Variants in SPPL3 observed in about 807,000 individuals in gnomAD.
SPPL3 encodes signal peptide peptidase-like 3.
Under a neutral mutation model 42.4 loss-of-function variants are expected in SPPL3, and 5 were observed. That is an observed-to-expected ratio of 0.12 (90% CI 0.06 to 0.25). The LOEUF is 0.25. Among genes scored for constraint, SPPL3 ranks in the 10% least tolerant of loss-of-function variants. SPPL3 has a pLI of 1.00. For synonymous variants in SPPL3, 195 were observed against 181.8 expected, an observed-to-expected ratio of 1.07 and a Z score of -0.58; for missense variants, 235 against 489.0, an observed-to-expected ratio of 0.48 and a Z score of 4.90.
chr12:120,894,469 CAACAA>C (rs1430718377), intron 1 of SPPL3, among the ~76,000 whole-genome samples: 1 of 152,214 alleles, frequency 6.6e-6, no homozygotes, highest in African/African-American at 2.4e-5. Context: ...AAAACTTAAA[CAACAA>C]AACAAAGTCA....
chr12:120,889,668 AT>A (rs948565793), intron 1 of SPPL3, among the ~76,000 whole-genome samples: 2 of 152,106 alleles, frequency 1.3e-5, no homozygotes, highest in African/African-American at 4.8e-5. Flanking sequence ...AGTATATTTT[AT>A]TGTTATTTTA....
intron 1 of SPPL3, among the ~76,000 whole-genome samples, chr12:120,841,349 T>C (rs1300375839): frequency 6.6e-6 from 1 of 152,004 alleles, no homozygotes; most frequent in African/African-American, 2.4e-5. Flanking sequence ...AACAATGAGA[T>C]ATACAATACT....
intron 2 of SPPL3, among the ~76,000 whole-genome samples, chr12:120,807,077 C>A (rs376714267): frequency 1.3e-5 from 2 of 151,964 alleles, no homozygotes; most frequent in African/African-American, 4.8e-5. Context: ...TTTATAGTTG[C>A]AAATCATATG....
At chr12:120,896,735 C>T (rs1305461166) in intron 1 of SPPL3, among the ~76,000 whole-genome samples, 2 of 151,244 alleles carry the variant, frequency 1.3e-5, no homozygotes, top group African/African-American at 2.4e-5. Flanking sequence ...GCTGAGATCG[C>T]ACCACTACAC....
chr12:120,801,566 T>TG, intron 2 of SPPL3, among the ~76,000 whole-genome samples: 1 of 152,290 alleles, frequency 6.6e-6, no homozygotes, highest in Non-Finnish European at 1.5e-5. Flanking sequence ...CCCTTGGCCC[T>TG]GTTACACCAA....
chr12:120,870,004 C>T (rs1196431450), intron 1 of SPPL3, among the ~76,000 whole-genome samples: 1 of 152,206 alleles, frequency 6.6e-6, no homozygotes, highest in Non-Finnish European at 1.5e-5. Flanking sequence ...GCCATTGAAT[C>T]TTTCATACTG....
At chr12:120,890,701 A>T (rs188805317) in intron 1 of SPPL3, among the ~76,000 whole-genome samples, 1 of 152,078 alleles carries the variant, frequency 6.6e-6, no homozygotes, top group Non-Finnish European at 1.5e-5. Flanking sequence ...TCAAAACTTT[A>T]AGGGAAAAAA....
chr12:120,816,243 G>C (rs1435104046), intron 1 of SPPL3, among the ~76,000 whole-genome samples: 1 of 152,104 alleles, frequency 6.6e-6, no homozygotes, highest in Non-Finnish European at 1.5e-5. Flanking sequence ...CTAAATGCCT[G>C]ATTTCAAAAA....
chr12:120,858,137 T>A (rs1872518249), intron 1 of SPPL3, among the ~76,000 whole-genome samples: 1 of 152,052 alleles, frequency 6.6e-6, no homozygotes, highest in South Asian at 2.1e-4. Context: ...TTAAAACAGG[T>A]AAAAACTGTA....
intron 1 of SPPL3, among the ~76,000 whole-genome samples, chr12:120,842,417 T>C (rs1481732551): frequency 2.0e-5 from 3 of 152,214 alleles, no homozygotes; most frequent in Non-Finnish European, 4.4e-5. Flanking sequence ...TCATAGGTTA[T>C]AAAATGTTCC....
rs1868960154 is a variant in SPPL3 at position 120,767,593 on chromosome 12, G to A, written c.774C>T (p.Ser258=). 1.2e-6 allele frequency: 2 copies of A among 1,613,902 alleles called. No individual in the cohort carries two copies. The highest frequency in any genetic ancestry group is 1.7e-6 in the Non-Finnish European group (2 of 1,179,884). Residue 258 remains serine, a splice_region_variant and synonymous_variant, in exon 9 of 11, where the codon AGC becomes AGT. Coordinates refer to ENST00000353487, the MANE Select transcript of SPPL3 (RefSeq NM_139015.5). ...ACATGGAGAAGTGGCTGCCAGTGGA[G>A]CTGGAATGCAGTTTCACAGGTTAGT... The part of the protein sequence containing the change: ...LSLPGKLVFP[S]STGSHFSMLG...
At chr12:120,776,945 G>A (rs1375696886) in intron 6 of SPPL3, among the ~76,000 whole-genome samples, 2 of 152,172 alleles carry the variant, frequency 1.3e-5, no homozygotes, top group Non-Finnish European at 2.9e-5. Flanking sequence ...CTGCTTAGGT[G>A]ATTACTGCTT....
At chr12:120,842,570 G>C (rs1241314858) in intron 1 of SPPL3, among the ~76,000 whole-genome samples, 1 of 151,994 alleles carries the variant, frequency 6.6e-6, no homozygotes, top group Non-Finnish European at 1.5e-5. Flanking sequence ...TAGAGACAGG[G>C]AAGTCCAAGA....
chr12:120,765,148 A>AT, intron 10 of SPPL3, 78 bp from the exon 11 acceptor site: 13 of 1,458,380 alleles, frequency 8.9e-6, no homozygotes, highest in South Asian at 2.6e-5. Flanking sequence ...AAAAAAAAAA[A>AT]ATTTTTTTTC....
chr12:120,824,222 G>A (rs570293083), intron 1 of SPPL3, among the ~76,000 whole-genome samples: 1 of 152,258 alleles, frequency 6.6e-6, no homozygotes, highest in East Asian at 1.9e-4. Flanking sequence ...GAAGCAAGCT[G>A]AAGACCTACG....
intron 1 of SPPL3, among the ~76,000 whole-genome samples, chr12:120,878,151 A>C (rs1324007432): frequency 6.6e-6 from 1 of 152,186 alleles, no homozygotes; most frequent in Admixed American, 6.5e-5. Context: ...AAAATGAAAT[A>C]TCTTAATTAA....
chr12:120,826,831 A>G (rs1871244168), intron 1 of SPPL3, among the ~76,000 whole-genome samples: 1 of 152,202 alleles, frequency 6.6e-6, no homozygotes, highest in Non-Finnish European at 1.5e-5. Context: ...AAACACCAAT[A>G]CAATCTACTG....
intron 1 of SPPL3, among the ~76,000 whole-genome samples, chr12:120,823,184 CTG>C (rs1871122358): frequency 9.3e-6 from 1 of 107,262 alleles, no homozygotes; most frequent in Non-Finnish European, 1.8e-5. Context: ...ACAAAGGTGT[CTG>C]TGAGAGACGG....
At chr12:120,866,552 A>T (rs1362999347) in intron 1 of SPPL3, among the ~76,000 whole-genome samples, 1 of 152,236 alleles carries the variant, frequency 6.6e-6, no homozygotes, top group Non-Finnish European at 1.5e-5. Flanking sequence ...GGCAAAGTTT[A>T]TCCTGAAAAA....
Sources: gnomAD v4.1 joint callset for allele counts (sites outside exome capture counted in the v4.1 genomes callset) on GRCh38, gnomAD v4.1.1 for gene constraint, MANE v1.5 for transcripts, NCBI Gene and HGNC (gene_info 2026-07-23, HGNC 2026-07-21) for gene names.